Variants in NARS2 observed in about 807,000 individuals in gnomAD.
NARS2 encodes asparaginyl-tRNA synthetase 2, mitochondrial.
NARS2 carries 60 observed loss-of-function variants against 62.9 expected under a neutral mutation model. The ratio of observed to expected loss-of-function variants is 0.95; its 90% CI spans 0.77 to 1.18. NARS2 has a LOEUF of 1.18. Ranked by LOEUF, NARS2 falls within the 50% of genes most tolerant of loss-of-function variation. NARS2 has a pLI of 0.00. For synonymous variants in NARS2, 196 were observed against 200.0 expected, an observed-to-expected ratio of 0.98 and a Z score of 0.17; for missense variants, 619 against 576.4, an observed-to-expected ratio of 1.07 and a Z score of -0.76.
At chr11:78,454,984 C>T (rs1446275165) in intron 11 of NARS2, among the ~76,000 whole-genome samples, 5 of 152,124 alleles carry the variant, frequency 3.3e-5, no homozygotes, top group Non-Finnish European at 7.4e-5. Flanking sequence ...AACACACAGA[C>T]CACTGTTTAT....
intron 4 of NARS2, among the ~76,000 whole-genome samples, chr11:78,563,887 AT>A (rs1170189171): frequency 6.3e-5 from 6 of 95,166 alleles, no homozygotes; most frequent in African/African-American, 2.7e-4. Flanking sequence ...CACACACAGT[AT>A]TATTATTATT....
chr11:78,455,645 C>G (rs1858132682), intron 11 of NARS2, among the ~76,000 whole-genome samples: 1 of 152,202 alleles, frequency 6.6e-6, no homozygotes, highest in Non-Finnish European at 1.5e-5. Flanking sequence ...TATCCAGGAA[C>G]AAAACCCAAG....
At chr11:78,472,382 TA>T (rs1858913145) in intron 9 of NARS2, among the ~76,000 whole-genome samples, 1 of 152,198 alleles carries the variant, frequency 6.6e-6, no homozygotes, top group Admixed American at 6.5e-5. Flanking sequence ...CTGAAGCTGT[TA>T]AGAGTAAAAT....
intron 5 of NARS2, among the ~76,000 whole-genome samples, chr11:78,554,991 A>G (rs1252263508): frequency 6.6e-6 from 1 of 152,132 alleles, no homozygotes; most frequent in African/African-American, 2.4e-5. Context: ...GAATTATATC[A>G]AAAGCCTTTT....
At chr11:78,474,946 T>C (rs1169974946) in intron 9 of NARS2, among the ~76,000 whole-genome samples, 2 of 152,128 alleles carry the variant, frequency 1.3e-5, no homozygotes, top group South Asian at 4.1e-4. Context: ...TAAAATCTAC[T>C]CCTTTAGCAA....
intron 10 of NARS2, 152 bp downstream of exon 10, chr11:78,469,095 A>T: frequency 1.9e-6 from 1 of 530,596 alleles, no homozygotes; most frequent in Non-Finnish European, 3.4e-6. Flanking sequence ...TTCAGCAAAC[A>T]TCAAAATCTT....
chr11:78,563,839 A>AC (rs1310048357), intron 4 of NARS2, among the ~76,000 whole-genome samples: 3,179 of 72,486 alleles, frequency 0.044, 308 homozygotes, highest in African/African-American at 0.18. Flanking sequence ...CAAAAAAAAA[A>AC]AAAAAAAAAA....
chr11:78,526,321 AAC>A (rs1296079915), intron 6 of NARS2, among the ~76,000 whole-genome samples: 1 of 152,196 alleles, frequency 6.6e-6, no homozygotes, highest in Non-Finnish European at 1.5e-5. Context: ...CCACTAAAGC[AAC>A]AGAGATATCC....
chr11:78,453,441 C>T (rs1481380597), intron 11 of NARS2, among the ~76,000 whole-genome samples: 1 of 152,012 alleles, frequency 6.6e-6, no homozygotes, highest in Non-Finnish European at 1.5e-5. Context: ...GAAAATAAAA[C>T]TCAGACCCTG....
intron 5 of NARS2, among the ~76,000 whole-genome samples, chr11:78,551,583 G>A (rs1399173822): frequency 2.0e-5 from 3 of 151,968 alleles, no homozygotes; most frequent in South Asian, 4.2e-4. Context: ...GGGCGCGGTG[G>A]CTCATGCCTG....
At chr11:78,498,741 T>TA (rs1860161484) in intron 6 of NARS2, among the ~76,000 whole-genome samples, 1 of 151,756 alleles carries the variant, frequency 6.6e-6, no homozygotes, top group Non-Finnish European at 1.5e-5. Flanking sequence ...AAGTACTACT[T>TA]ACTGTTCACA....
chr11:78,552,062 TG>T (rs1056027698), intron 5 of NARS2, among the ~76,000 whole-genome samples: 1 of 151,972 alleles, frequency 6.6e-6, no homozygotes, highest in African/African-American at 2.4e-5. Context: ...ACACGTGTCA[TG>T]GGAGTTTGTT....
intron 11 of NARS2, among the ~76,000 whole-genome samples, chr11:78,465,072 G>C (rs1419372946): frequency 2.0e-5 from 3 of 152,212 alleles, no homozygotes; most frequent in Admixed American, 6.5e-5. Context: ...CGGAGGGGTG[G>C]GGAGGCTCAG....
At chr11:78,558,399 C>T (rs1215647760) in intron 5 of NARS2, 1 of 152,116 alleles carries the variant, frequency 6.6e-6, no homozygotes, top group Non-Finnish European at 1.5e-5. Flanking sequence ...AGCACCACCA[C>T]CATTATTAAG....
At chr11:78,490,288 C>A (rs115192685) in intron 7 of NARS2, among the ~76,000 whole-genome samples, 1 of 152,160 alleles carries the variant, frequency 6.6e-6, no homozygotes, top group African/African-American at 2.4e-5. Flanking sequence ...CCTGGGATAA[C>A]TGATCTCTCT....
At position 78,548,259 on chromosome 11, in the gene NARS2, T is replaced by C. The variant is rs144518730; in HGVS notation, c.594+11280A>G. On this transcript the variant is annotated intron_variant, in intron 5 of 13. Transcript: ENST00000281038. ...CCAGCTATAGCAACTGAATACAAGT[T>C]TAACAGGAGTTGGAACAAGGGAGGT... Among the ~76,000 whole-genome samples, 767 of 152,236 alleles carry C rather than the reference T, an allele frequency of 5.0e-3. 4 individuals carry two copies. The highest frequency in any genetic ancestry group is 0.018 in the African/African-American group (744 of 41,536).
intron 11 of NARS2, among the ~76,000 whole-genome samples, chr11:78,455,133 T>C (rs1012243694): frequency 7.2e-5 from 11 of 152,200 alleles, no homozygotes; most frequent in African/African-American, 2.4e-4. Flanking sequence ...AATTTTTTCA[T>C]CTTGCCAGTA....
Position 78,571,317 on chromosome 11 carries a change from T to A in NARS2, c.251+18A>T. On this transcript the variant is annotated intron_variant, in intron 2 of 13. Coordinates refer to ENST00000281038, the MANE Select transcript of NARS2 (RefSeq NM_024678.6). ...GAAAAACAAAAATCAAAGAATTCTT[T>A]TAAAAAACAAAACTCACCTACTGTC... 1 of 1,557,756 alleles carries A rather than the reference T, an allele frequency of 6.4e-7. No individual in the cohort carries two copies. Among genetic ancestry groups the A allele is most frequent in the Non-Finnish European group, 8.9e-7 (1 of 1,129,710 alleles).
intron 5 of NARS2, among the ~76,000 whole-genome samples, chr11:78,556,853 C>T (rs1034432814): frequency 1.3e-5 from 2 of 152,142 alleles, no homozygotes; most frequent in Non-Finnish European, 2.9e-5. Flanking sequence ...AAGAGGAAAA[C>T]GTGTACAAAC....
Sources: gnomAD v4.1 joint callset for allele counts (sites outside exome capture counted in the v4.1 genomes callset) on GRCh38, gnomAD v4.1.1 for gene constraint, MANE v1.5 for transcripts, NCBI Gene and HGNC (gene_info 2026-07-23, HGNC 2026-07-21) for gene names.